Variants in CEP63 observed in about 807,000 individuals in gnomAD.
CEP63 encodes the protein centrosomal protein 63.
Under a neutral mutation model 89.1 loss-of-function variants are expected in CEP63, and 84 were observed. The ratio of observed to expected loss-of-function variants is 0.94; its 90% confidence interval spans 0.79 to 1.13. The LOEUF is 1.13. Among genes scored for constraint, CEP63 ranks in the 50% most tolerant of loss-of-function variants. CEP63 has a pLI of 0.00. For synonymous variants in CEP63, 267 were observed against 272.5 expected (o/e 0.98, Z 0.20); for missense variants, 838 against 813.3 (o/e 1.03, Z -0.37).
In CEP63 at chr3:134,488,516, G is replaced by T. The variant is rs553113292; in HGVS notation, c.-26+2314G>T. ...CCCAGCTACTCGGGAGGCTGAGGCA[G>T]GAGAATCACGTGAATCCGGGAGGCG... On this transcript the variant is annotated intron_variant, in intron 1 of 14. Transcript: ENST00000675561. Among the ~76,000 whole-genome samples the T allele has an allele frequency of 9.9e-5, 15 of 152,150 alleles. No individual in the cohort carries two copies. The South Asian group carries it at 2.9e-3, about 29-fold the overall frequency.
intron 2 of CEP63, among the ~76,000 whole-genome samples, chr3:134,505,789 G>A (rs1943303454): frequency 6.6e-6 from 1 of 152,184 alleles, no homozygotes; most frequent in Non-Finnish European, 1.5e-5. Flanking sequence ...GGGCACAGCA[G>A]GCCTGTCCTC....
chr3:134,583,619 C>T (rs58808286), intron 10 of CEP63, among the ~76,000 whole-genome samples: 48,263 of 151,940 alleles, frequency 0.32, 7,961 homozygotes, highest in African/African-American at 0.35. Flanking sequence ...AGAGTGATAC[C>T]TCCAGCTTTG....
chr3:134,591,508 G>A (rs1958594452), downstream of CEP63, among the ~76,000 whole-genome samples: 4 of 152,316 alleles, frequency 2.6e-5, no homozygotes, highest in South Asian at 6.2e-4. Flanking sequence ...CTGTAGGTCA[G>A]ACATTTTCCT....
chr3:134,586,971 A>T (rs1253334710), intron 10 of CEP63, among the ~76,000 whole-genome samples: 1 of 151,938 alleles, frequency 6.6e-6, no homozygotes, highest in African/African-American at 2.4e-5. Flanking sequence ...CCTTTCTTCC[A>T]CTTGATCGAA....
At chr3:134,712,081 T>A in the CEP63 span, among the ~76,000 whole-genome samples, 1 of 152,206 alleles carries the variant, frequency 6.6e-6, no homozygotes, top group Non-Finnish European at 1.5e-5. Flanking sequence ...GATCATTACG[T>A]GTGACTTTTG....
the CEP63 span, among the ~76,000 whole-genome samples, chr3:134,740,739 A>G: frequency 1.0e-3 from 154 of 152,298 alleles, no homozygotes; most frequent in African/African-American, 3.6e-3. Context: ...AACACTATTC[A>G]GAACTCAAAG....
the CEP63 span, among the ~76,000 whole-genome samples, chr3:134,623,190 T>C: frequency 2.6e-5 from 4 of 152,208 alleles, no homozygotes; most frequent in Admixed American, 2.6e-4. Flanking sequence ...CCTGGCTTGC[T>C]CTGGCCACTC....
chr3:134,614,529 G>A, the CEP63 span, among the ~76,000 whole-genome samples: 1 of 152,004 alleles, frequency 6.6e-6, no homozygotes, highest in South Asian at 2.1e-4. Context: ...GGGCTGCAAA[G>A]GACCACATGG....
At chr3:134,780,374 C>G in the CEP63 span, among the ~76,000 whole-genome samples, 2 of 152,294 alleles carry the variant, frequency 1.3e-5, no homozygotes, top group African/African-American at 4.8e-5. Flanking sequence ...TCATTCCAAA[C>G]AGAAACTCTG....
the CEP63 span, chr3:134,620,952 C>T: frequency 1.7e-5 from 13 of 754,400 alleles, no homozygotes; most frequent in Middle Eastern, 3.1e-4. Context: ...GCTCTTCCTC[C>T]AGGCAGAGAA....
chr3:134,492,156 C>T (rs1937821609), intron 1 of CEP63, among the ~76,000 whole-genome samples: 1 of 144,026 alleles, frequency 6.9e-6, no homozygotes, highest in African/African-American at 2.6e-5. Context: ...TCACTGCAAG[C>T]TCCGCCTCCC....
At chr3:134,629,058 A>G in the CEP63 span, among the ~76,000 whole-genome samples, 2 of 152,158 alleles carry the variant, frequency 1.3e-5, no homozygotes, top group South Asian at 4.1e-4. Context: ...GAGGACCGAG[A>G]AGGGAGTTGG....
chr3:134,671,505 A>C, the CEP63 span, among the ~76,000 whole-genome samples: 1 of 152,236 alleles, frequency 6.6e-6, no homozygotes, highest in African/African-American at 2.4e-5. Flanking sequence ...ATTAAAAGAA[A>C]ATCTGAAGCA....
the CEP63 span, among the ~76,000 whole-genome samples, chr3:134,671,305 G>A: frequency 2.0e-5 from 3 of 152,176 alleles, no homozygotes; most frequent in Admixed American, 1.3e-4. Flanking sequence ...GACATAAAGA[G>A]GGGAACAATA....
intron 5 of CEP63, chr3:134,535,854 AATTAT>A (rs770276932): frequency 4.6e-5 from 7 of 152,316 alleles, no homozygotes; most frequent in Non-Finnish European, 1.0e-4. Context: ...ATGTAAGTCA[AATTAT>A]ATCACTTCCT....
At chr3:134,752,362 C>T in the CEP63 span, among the ~76,000 whole-genome samples, 1 of 152,136 alleles carries the variant, frequency 6.6e-6, no homozygotes, top group Non-Finnish European at 1.5e-5. Flanking sequence ...AGGAAAGTGT[C>T]CAACACATAT....
chr3:134,607,120 T>A, the CEP63 span: 1 of 985,494 alleles, frequency 1.0e-6, no homozygotes, highest in Non-Finnish European at 1.2e-6. Flanking sequence ...GGTGTTGCTT[T>A]GACCTGGTCA....
At chr3:134,739,616 T>C in the CEP63 span, among the ~76,000 whole-genome samples, 2 of 151,976 alleles carry the variant, frequency 1.3e-5, no homozygotes, top group African/African-American at 2.4e-5. Context: ...GTAAACATAA[T>C]GTTGCGCAAA....
At chr3:134,667,230 C>T in the CEP63 span, among the ~76,000 whole-genome samples, 2 of 152,182 alleles carry the variant, frequency 1.3e-5, no homozygotes, top group East Asian at 3.9e-4. Flanking sequence ...ACATAAAGCA[C>T]TGGAAGTGAG....
Sources: allele counts gnomAD v4.1 joint callset (sites outside exome capture counted in the v4.1 genomes callset), GRCh38; gene constraint gnomAD v4.1.1; transcripts MANE v1.5; gene names NCBI Gene and HGNC (gene_info 2026-07-23, HGNC 2026-07-21).